UFL1: variants seen among roughly 807,000 people sequenced by gnomAD.
UFL1 encodes the protein E3 UFM1-protein ligase 1.
In UFL1, 78 loss-of-function variants were observed where a neutral mutation model predicts 99.3. The ratio of observed to expected loss-of-function variants is 0.79; its 90% CI spans 0.65 to 0.95. The LOEUF (loss-of-function observed/expected upper bound fraction) is 0.95. UFL1 is among the 40% of genes least tolerant of loss of function. UFL1 has a pLI of 0.00. For synonymous variants in UFL1, 335 were observed against 322.2 expected, an observed-to-expected ratio of 1.04 and a Z score of -0.42; for missense variants, 936 against 937.0, an observed-to-expected ratio of 1.00 and a Z score of 0.01.
chr6:96,552,693 C>CAAAG, intron 18 of UFL1, 31 bp downstream of exon 18: 1 of 1,545,388 alleles, frequency 6.5e-7, no homozygotes, highest in Non-Finnish European at 8.7e-7. Flanking sequence ...TTGAAACTTT[C>CAAAG]AAAGATTTAC....
In UFL1 at chr6:96,552,493, TC is replaced by T; in HGVS notation, c.1999del (p.Gln667AsnfsTer10). 1.9e-6 allele frequency: 3 copies of T among 1,579,024 alleles called. No homozygotes were observed. The highest frequency in any genetic ancestry group is 2.6e-6 in the Non-Finnish European group (3 of 1,169,670). On this transcript the variant is annotated frameshift_variant, in exon 18 of 19. Transcript: ENST00000369278. LOFTEE classifies it high-confidence loss of function. The stretch of plus-strand genomic sequence containing the variant: ...TTTTTTTTTTTTAGACAGATACTGT[TC>T]CAACATCGACAAGCACTGGCTGAAC... Reference protein sequence around the residue: ...GDKKRERQILFQHRQALAEQL... With the variant: ...GDKKRERQILXQHRQALAEQL...
In UFL1 at chr6:96,554,767, T is replaced by C. The variant is rs1022754361; in HGVS notation, c.*1264T>C. 2.6e-5 allele frequency: 4 copies of C among 152,600 alleles called. No homozygotes were observed. Among genetic ancestry groups the C allele is most frequent in the African/African-American group, 9.6e-5 (4 of 41,460 alleles). 9.5% of individuals were successfully genotyped at this position (152,600 alleles called of 1,614,324 possible). A position where few individuals can be genotyped will look rare whatever the true frequency, so the allele number is the denominator to read the frequency against. ...AATTAAATTGCCAACTTGGCATTAT[T>C]ATTAAACTTGATAGGAACGCAACAT... On this transcript the variant is annotated 3_prime_UTR_variant, in exon 19 of 19. Coordinates refer to ENST00000369278, the MANE Select transcript of UFL1 (RefSeq NM_015323.5).
intron 12 of UFL1, among the ~76,000 whole-genome samples, chr6:96,546,162 C>T (rs940084935): frequency 2.0e-5 from 3 of 150,318 alleles, no homozygotes; most frequent in Non-Finnish European, 4.5e-5. Flanking sequence ...TAAATGACTT[C>T]AGTAAAATAT....
rs954477455 is a variant in UFL1 at position 96,553,304 on chromosome 6, T to TAA, written c.2188_2189dup (p.Tyr731SerfsTer7). 6.2e-7 allele frequency: 1 copy of TAA among 1,613,362 alleles called. No individual in the cohort carries two copies. The highest frequency in any genetic ancestry group is 1.3e-5 in the African/African-American group (1 of 74,994). On this transcript the variant is annotated frameshift_variant, in exon 19 of 19. Coordinates refer to ENST00000369278, the MANE Select transcript of UFL1 (RefSeq NM_015323.5). LOFTEE classifies it high-confidence loss of function. ...TCACAGGATCAGCATGCTCTTTTGG[T>TAA]AAAGTATCAAGGTTTGGTTGTAAAG...
At chr6:96,539,151 G>A (rs539025748) in intron 10 of UFL1, among the ~76,000 whole-genome samples, 124 of 151,694 alleles carry the variant, frequency 8.2e-4, no homozygotes, top group Admixed American at 3.6e-3. Context: ...CAGTGTATTT[G>A]TCAACCAATA....
chr6:96,540,604 G>A lies in UFL1; in HGVS notation c.1228G>A (p.Val410Ile), dbSNP rs118021320. The change falls in exon 11 of 19, where the codon GTT becomes ATT. Residue 410 changes from valine (V) to isoleucine (I), a missense_variant. Val to Ile is a conservative substitution (Grantham distance 29). Coordinates refer to ENST00000369278, the MANE Select transcript of UFL1 (RefSeq NM_015323.5). The stretch of plus-strand genomic sequence containing the variant: ...GAAACAAATCTCCACTTTAGAAAGC[G>A]TTAGTACAAGTAAAAAGGATAAAAA... The part of the protein sequence containing the change: ...DLKQISTLES[V>I]STSKKDKKDE... 810 of 1,606,716 alleles carry A rather than the reference G, an allele frequency of 5.0e-4. 8 individuals carry two copies. The East Asian group carries it at 0.014, about 27-fold the overall frequency.
At chr6:96,526,504 AGGGG>A in intron 5 of UFL1, 69 bp downstream of exon 5, 2 of 1,188,040 alleles carry the variant, frequency 1.7e-6, no homozygotes, top group Admixed American at 2.0e-5. Flanking sequence ...TTTGAATGGA[AGGGG>A]GAAAAAAAAA....
At chr6:96,536,741 T>C (rs1376945435) in intron 8 of UFL1, among the ~76,000 whole-genome samples, 1 of 151,774 alleles carries the variant, frequency 6.6e-6, no homozygotes, top group Non-Finnish European at 1.5e-5. Flanking sequence ...CACTATAAAC[T>C]TAAAAGTATT....
chr6:96,554,636 TC>T lies in UFL1; in HGVS notation c.*1135del, dbSNP rs34705373. 1 of 152,292 alleles carries T rather than the reference TC, an allele frequency of 6.6e-6. No individual in the cohort carries two copies. The highest frequency in any genetic ancestry group is 1.9e-4 in the East Asian group (1 of 5,204). The allele number at this position is 152,292 out of a possible 1,614,324, so 9.4% of individuals were successfully genotyped here. On this transcript the variant is annotated 3_prime_UTR_variant, in exon 19 of 19. Coordinates refer to ENST00000369278, the MANE Select transcript of UFL1 (RefSeq NM_015323.5). ...ATTTAAAAATACTATTTTATATAAT[TC>T]CTTATGACATTTTAAACTTTATATT...
At chr6:96,552,157 C>T (rs1257854730) in intron 17 of UFL1, among the ~76,000 whole-genome samples, 1 of 152,006 alleles carries the variant, frequency 6.6e-6, no homozygotes, top group South Asian at 2.1e-4. Flanking sequence ...TCATCAAGCC[C>T]AGGAACTTTT....
intron 17 of UFL1, 71 bp from the exon 18 acceptor site, chr6:96,552,411 G>A: frequency 7.0e-7 from 1 of 1,436,278 alleles, no homozygotes; most frequent in East Asian, 2.5e-5. Flanking sequence ...TTAACAGAAA[G>A]GGATGAATTG....
At position 96,549,787 on chromosome 6, in the gene UFL1, C is replaced by T; in HGVS notation, c.1806C>T (p.Ala602=). ...DLMMAVDDPA[A]ITSEIRKKIL... is the part of the protein sequence containing the mutation. ...TGATGGCAGTAGACGATCCTGCAGC[C>T]ATTACAAGTGAAGTATGTTAATGAT... The change falls in exon 15 of 19, where the codon GCC becomes GCT. Residue 602 remains alanine (A), a synonymous_variant. Coordinates refer to ENST00000369278, the MANE Select transcript of UFL1 (RefSeq NM_015323.5). 1 of 1,611,516 alleles carries T rather than the reference C, an allele frequency of 6.2e-7. No homozygotes were observed.
intron 14 of UFL1, 33 bp from the exon 15 acceptor site, chr6:96,549,636 A>C: frequency 6.3e-7 from 1 of 1,592,074 alleles, no homozygotes; most frequent in Non-Finnish European, 8.5e-7. Flanking sequence ...TTGGGGAATA[A>C]ATTAGTTTTA....
chr6:96,552,339 A>G (rs1464851362), intron 17 of UFL1, 143 bp from the exon 18 acceptor site: 2 of 827,682 alleles, frequency 2.4e-6, no homozygotes, highest in African/African-American at 1.8e-5. Flanking sequence ...ATGTGTGTAT[A>G]TCCCATATTG....
intron 6 of UFL1, among the ~76,000 whole-genome samples, chr6:96,531,533 C>G (rs955558870): frequency 6.6e-6 from 1 of 152,146 alleles, no homozygotes; most frequent in Non-Finnish European, 1.5e-5. Flanking sequence ...TCCATGTAGG[C>G]TCTGACAGTC....
chr6:96,551,514 G>C lies in UFL1; in HGVS notation c.1899+1G>C. 1 of 1,510,326 alleles carries C rather than the reference G, an allele frequency of 6.6e-7. No individual in the cohort carries two copies. The highest frequency in any genetic ancestry group is 2.4e-5 in the East Asian group (1 of 41,910). 93.6% of individuals were successfully genotyped at this position (1,510,326 alleles called of 1,614,324 possible). ...ACTCCATAACTCTCTGAATGAAAAG[G>C]TAAGTAAAGTTTTATTCTATTTACA... On this transcript the variant is annotated splice_donor_variant, in intron 16 of 18. Transcript: ENST00000369278. LOFTEE classifies it high-confidence loss of function.
chr6:96,543,829 T>A (rs530198048), intron 12 of UFL1, among the ~76,000 whole-genome samples: 1 of 151,286 alleles, frequency 6.6e-6, no homozygotes, highest in East Asian at 1.9e-4. Context: ...GCAAGCACTG[T>A]TCAGACTATT....
chr6:96,522,433 C>G (rs1308537977), intron 1 of UFL1, among the ~76,000 whole-genome samples: 1 of 152,184 alleles, frequency 6.6e-6, no homozygotes. Flanking sequence ...AGGGCTAGAC[C>G]CCTGACCCCA....
intron 1 of UFL1, among the ~76,000 whole-genome samples, chr6:96,522,233 T>C (rs941350596): frequency 6.6e-6 from 1 of 152,008 alleles, no homozygotes; most frequent in Non-Finnish European, 1.5e-5. Context: ...CGAGCTGCCT[T>C]TATTGAGCAT....
Sources: gnomAD v4.1 joint callset for allele counts (sites outside exome capture counted in the v4.1 genomes callset) on GRCh38, gnomAD v4.1.1 for gene constraint, MANE v1.5 for transcripts, NCBI Gene and HGNC (gene_info 2026-07-23, HGNC 2026-07-21) for gene names.